Variants in GFOD1 observed in about 807,000 individuals in gnomAD.
The protein encoded by GFOD1 is Gfo/Idh/MocA-like oxidoreductase domain containing 1.
A neutral mutation model predicts 25.4 loss-of-function variants in GFOD1; 9 were observed. The ratio of observed to expected loss-of-function variants is 0.35; its 90% CI spans 0.21 to 0.62. The LOEUF is 0.62. Among genes scored for constraint, GFOD1 ranks in the 20% least tolerant of loss-of-function variants. The pLI, the probability that GFOD1 is intolerant of heterozygous loss-of-function variation, is 0.72. For missense variants in GFOD1, 403 were observed against 556.9 expected (o/e 0.72, Z 2.78); for synonymous variants, 253 against 245.6 (o/e 1.03, Z -0.28).
At chr6:13,391,058 C>T (rs574144494) in intron 1 of GFOD1, among the ~76,000 whole-genome samples, 74 of 152,080 alleles carry the variant, frequency 4.9e-4, no homozygotes, top group Non-Finnish European at 8.4e-4. Context: ...TTGAAGTTAG[C>T]GTAACAGGGA....
At chr6:13,469,512 A>T (rs1170965150) in intron 1 of GFOD1, 1 of 1,004,096 alleles carries the variant, frequency 1.0e-6, no homozygotes, top group Non-Finnish European at 1.2e-6. Flanking sequence ...CTTTGTTCAT[A>T]CAGACCATTG....
chr6:13,386,235 G>A (rs1785471972), intron 1 of GFOD1, among the ~76,000 whole-genome samples: 1 of 151,890 alleles, frequency 6.6e-6, no homozygotes, highest in Non-Finnish European at 1.5e-5. Flanking sequence ...CAGAATCCTC[G>A]GTTCCCTTGT....
intron 1 of GFOD1, among the ~76,000 whole-genome samples, chr6:13,409,117 GA>G (rs1562209277): frequency 1.5e-5 from 1 of 65,834 alleles, no homozygotes; most frequent in East Asian, 4.4e-4. Context: ...AAGAAAGAAA[GA>G]AAGAAAGAAA....
chr6:13,411,644 G>T (rs1369602266), intron 1 of GFOD1, among the ~76,000 whole-genome samples: 1 of 152,094 alleles, frequency 6.6e-6, no homozygotes, highest in Admixed American at 6.5e-5. Flanking sequence ...TTCCTCAGAC[G>T]CAGTAACACT....
intron 1 of GFOD1, among the ~76,000 whole-genome samples, chr6:13,425,678 G>C (rs1177921018): frequency 6.6e-6 from 1 of 152,080 alleles, no homozygotes; most frequent in African/African-American, 2.4e-5. Context: ...CCTGGCCTCT[G>C]TCAAATCTCA....
chr6:13,370,576 CT>C (rs1172777332), intron 1 of GFOD1, among the ~76,000 whole-genome samples: 14 of 152,244 alleles, frequency 9.2e-5, no homozygotes, highest in African/African-American at 3.4e-4. Context: ...CTCTGAGATC[CT>C]CAAGATCCTC....
Position 13,362,035 on chromosome 6 carries a change from A to C in GFOD1, c.*2708T>G, listed in dbSNP as rs1784954349. On this transcript the variant is annotated 3_prime_UTR_variant, in exon 2 of 2. Transcript: ENST00000379287. The stretch of plus-strand genomic sequence containing the variant: ...TATTTAGGTTATGAATGACTTAGAA[A>C]AATGAAACCCATTGAATCATTTTGT... 6.6e-6 allele frequency: 1 copy of C among 152,200 alleles called. No homozygotes were observed. Among genetic ancestry groups the C allele is most frequent in the Non-Finnish European group, 1.5e-5 (1 of 68,034 alleles). The allele number at this position is 152,200 out of a possible 1,614,324, so 9.4% of individuals were successfully genotyped here.
intron 1 of GFOD1, among the ~76,000 whole-genome samples, chr6:13,485,405 G>A (rs537094025): frequency 3.9e-5 from 6 of 152,220 alleles, no homozygotes; most frequent in Non-Finnish European, 8.8e-5. Context: ...CTGTTCCTTC[G>A]CAGCTCCTCC....
intron 1 of GFOD1, among the ~76,000 whole-genome samples, chr6:13,463,623 T>C (rs533866999): frequency 1.3e-5 from 2 of 152,326 alleles, no homozygotes; most frequent in South Asian, 2.1e-4. Context: ...CACAGCCAGC[T>C]TTTCCTCTTC....
intron 1 of GFOD1, among the ~76,000 whole-genome samples, chr6:13,409,876 T>G (rs572048342): frequency 9.5e-4 from 139 of 146,542 alleles, no homozygotes; most frequent in African/African-American, 3.1e-3. Context: ...TGAGCCAAGA[T>G]CGTGCCACTG....
chr6:13,378,945 C>A (rs1329041777), intron 1 of GFOD1, among the ~76,000 whole-genome samples: 1 of 117,060 alleles, frequency 8.5e-6, no homozygotes, highest in African/African-American at 2.5e-5. Flanking sequence ...CTTATGAGAA[C>A]CCCATCTGCT....
intron 1 of GFOD1, among the ~76,000 whole-genome samples, chr6:13,459,714 G>A (rs1192758388): frequency 6.6e-6 from 1 of 152,156 alleles, no homozygotes; most frequent in Non-Finnish European, 1.5e-5. Context: ...CTTCTCAAAA[G>A]AGGACATTTA....
At chr6:13,483,110 C>G (rs1475029477) in intron 1 of GFOD1, among the ~76,000 whole-genome samples, 1 of 151,474 alleles carries the variant, frequency 6.6e-6, no homozygotes, top group African/African-American at 2.4e-5. Flanking sequence ...AATATATAGC[C>G]AATTCAAAAT....
At chr6:13,408,987 AG>A (rs1785997240) in intron 1 of GFOD1, among the ~76,000 whole-genome samples, 1 of 151,718 alleles carries the variant, frequency 6.6e-6, no homozygotes, top group South Asian at 2.1e-4. Flanking sequence ...TGCAAGGCTG[AG>A]GCAGGACAAT....
chr6:13,378,269 G>A (rs1785293112), intron 1 of GFOD1, among the ~76,000 whole-genome samples: 1 of 152,216 alleles, frequency 6.6e-6, no homozygotes, highest in Non-Finnish European at 1.5e-5. Context: ...TGAGTGGAAT[G>A]GGGGATAGGA....
chr6:13,379,841 C>T (rs1475256942), intron 1 of GFOD1, among the ~76,000 whole-genome samples: 4 of 152,032 alleles, frequency 2.6e-5, no homozygotes, highest in Admixed American at 6.6e-5. Flanking sequence ...TAAAGCAGCC[C>T]AAGATCTAGT....
At chr6:13,375,879 G>T (rs763274819) in intron 1 of GFOD1, among the ~76,000 whole-genome samples, 1 of 152,124 alleles carries the variant, frequency 6.6e-6, no homozygotes, top group Non-Finnish European at 1.5e-5. Context: ...AAACACTTTC[G>T]AATTTCTGTT....
intron 1 of GFOD1, among the ~76,000 whole-genome samples, chr6:13,376,982 G>A (rs1232530519): frequency 6.6e-6 from 1 of 151,182 alleles, no homozygotes; most frequent in African/African-American, 2.4e-5. Context: ...TTGTGCTTTA[G>A]TGAAGGGATC....
chr6:13,455,578 C>T (rs1226288091), intron 1 of GFOD1, among the ~76,000 whole-genome samples: 18 of 152,198 alleles, frequency 1.2e-4, no homozygotes, highest in Admixed American at 5.9e-4. Flanking sequence ...TAAGCCAAAA[C>T]GGTAGCCCAC....
Sources: gnomAD v4.1 joint callset for allele counts (sites outside exome capture counted in the v4.1 genomes callset) on GRCh38, gnomAD v4.1.1 for gene constraint, MANE v1.5 for transcripts, NCBI Gene and HGNC (gene_info 2026-07-23, HGNC 2026-07-21) for gene names.